The following PXDNL variants were observed in gnomAD, a reference collection of about 807,000 sequenced individuals.
The protein encoded by PXDNL is probable oxidoreductase PXDNL.
A neutral mutation model predicts 150.8 loss-of-function variants in PXDNL; 145 were observed. The observed-to-expected ratio is 0.96, with a 90% CI of 0.84 to 1.10. The LOEUF is 1.10. Ranked by LOEUF, PXDNL falls within the 50% of genes least tolerant of loss-of-function variation. The pLI is 0.00. For missense variants in PXDNL, 2,087 were observed against 1,873.9 expected (o/e 1.11, Z -2.10); for synonymous variants, 757 against 725.7 (o/e 1.04, Z -0.69).
At chr8:51,394,594 A>C (rs918176867) in intron 17 of PXDNL, among the ~76,000 whole-genome samples, 4 of 152,190 alleles carry the variant, frequency 2.6e-5, no homozygotes, top group African/African-American at 9.6e-5. Flanking sequence ...TGTTCCAACT[A>C]TTCCACTCTG....
chr8:51,577,976 AAAG>A (rs1813104413), intron 3 of PXDNL, among the ~76,000 whole-genome samples: 1 of 105,218 alleles, frequency 9.5e-6, no homozygotes, highest in Non-Finnish European at 2.0e-5. Context: ...AGAAAGAAAG[AAAG>A]AAAGAAAGAA....
intron 12 of PXDNL, chr8:51,435,543 A>G (rs1809378705): frequency 6.0e-6 from 1 of 167,492 alleles, no homozygotes; most frequent in Non-Finnish European, 1.5e-5. Context: ...ATTAAATAAA[A>G]TTTTCTTTAC....
intron 1 of PXDNL, among the ~76,000 whole-genome samples, chr8:51,736,165 A>G (rs1232895457): frequency 6.6e-6 from 1 of 152,238 alleles, no homozygotes; most frequent in African/African-American, 2.4e-5. Context: ...ATCATTCGCA[A>G]GAAACAGCTC....
intron 20 of PXDNL, among the ~76,000 whole-genome samples, chr8:51,343,942 G>A (rs997524881): frequency 6.6e-6 from 1 of 152,132 alleles, no homozygotes; most frequent in African/African-American, 2.4e-5. Flanking sequence ...ACCTTGCCTG[G>A]ATTAGCTCCA....
At chr8:51,384,591 A>C (rs1807645306) in intron 17 of PXDNL, among the ~76,000 whole-genome samples, 1 of 152,116 alleles carries the variant, frequency 6.6e-6, no homozygotes, top group Non-Finnish European at 1.5e-5. Context: ...AAAACTATAT[A>C]TAAAGCTCTA....
chr8:51,710,431 A>G (rs1816472452), intron 1 of PXDNL, among the ~76,000 whole-genome samples: 2 of 152,238 alleles, frequency 1.3e-5, no homozygotes, highest in Admixed American at 1.3e-4. Context: ...TCACATATGT[A>G]TCAATTTTTT....
At chr8:51,402,291 A>T (rs1308908905) in intron 17 of PXDNL, among the ~76,000 whole-genome samples, 1 of 152,138 alleles carries the variant, frequency 6.6e-6, no homozygotes, top group Non-Finnish European at 1.5e-5. Flanking sequence ...GTACTTTGGG[A>T]GGCTGAAGCA....
intron 17 of PXDNL, among the ~76,000 whole-genome samples, chr8:51,381,622 CTTTATTTATTTA>C (rs143944182): frequency 0.61 from 86,789 of 141,720 alleles, 28,224 homozygotes; most frequent in East Asian, 0.82. Context: ...TGACTGGTGT[CTTTATTTATTTA>C]TTTATTTATT....
At chr8:51,477,522 G>T (rs964024256) in intron 6 of PXDNL, among the ~76,000 whole-genome samples, 1 of 152,178 alleles carries the variant, frequency 6.6e-6, no homozygotes, top group Non-Finnish European at 1.5e-5. Context: ...TACCAGCTAC[G>T]TGGCTATAAA....
At chr8:51,372,628 G>T (rs932142921) in intron 18 of PXDNL, among the ~76,000 whole-genome samples, 1 of 152,136 alleles carries the variant, frequency 6.6e-6, no homozygotes, top group African/African-American at 2.4e-5. Flanking sequence ...CAAGTGATCT[G>T]CCCACCTCGG....
chr8:51,511,430 T>A (rs1811415727), intron 4 of PXDNL, among the ~76,000 whole-genome samples: 1 of 152,226 alleles, frequency 6.6e-6, no homozygotes, highest in South Asian at 2.1e-4. Context: ...TGGTTGCTGA[T>A]GGAGAAGTGA....
intron 2 of PXDNL, among the ~76,000 whole-genome samples, chr8:51,627,993 A>T (rs888844854): frequency 6.6e-6 from 1 of 152,196 alleles, no homozygotes; most frequent in South Asian, 2.1e-4. Flanking sequence ...AAGCCAAAAA[A>T]CAACTCAGGG....
At chr8:51,486,748 GT>G (rs1319506962) in intron 5 of PXDNL, among the ~76,000 whole-genome samples, 2 of 55,802 alleles carry the variant, frequency 3.6e-5, no homozygotes, top group African/African-American at 1.3e-4. Context: ...ATGTTAAAAA[GT>G]TTATATATAT....
intron 1 of PXDNL, among the ~76,000 whole-genome samples, chr8:51,698,122 T>C (rs904081200): frequency 2.0e-5 from 3 of 152,222 alleles, no homozygotes; most frequent in Non-Finnish European, 1.5e-5. Context: ...AGGGTGGTAG[T>C]TGCTGAAAGC....
At chr8:51,733,833 AATT>A (rs1357898485) in intron 1 of PXDNL, among the ~76,000 whole-genome samples, 1 of 125,368 alleles carries the variant, frequency 8.0e-6, no homozygotes, top group Admixed American at 8.1e-5. Flanking sequence ...ATATATATAT[AATT>A]TATATATATA....
chr8:51,667,816 A>C (rs959607431), intron 1 of PXDNL, among the ~76,000 whole-genome samples: 2 of 152,228 alleles, frequency 1.3e-5, no homozygotes, highest in Non-Finnish European at 2.9e-5. Flanking sequence ...CATGCTTAGA[A>C]TTAGCCTCTA....
intron 14 of PXDNL, among the ~76,000 whole-genome samples, chr8:51,416,013 AATC>A (rs1431827485): frequency 6.6e-6 from 1 of 152,230 alleles, no homozygotes; most frequent in African/African-American, 2.4e-5. Flanking sequence ...AAGAAACTAA[AATC>A]AATCAAATCA....
At chr8:51,447,268 C>T (rs1374679607) in intron 11 of PXDNL, 106 bp from the exon 12 acceptor site, 15 of 1,206,326 alleles carry the variant, frequency 1.2e-5, no homozygotes, top group Middle Eastern at 2.8e-4. Flanking sequence ...AGGAAATTCT[C>T]GGTGCTAGGG....
chr8:51,420,381 T>C (rs1195672060), intron 14 of PXDNL, among the ~76,000 whole-genome samples: 4 of 152,216 alleles, frequency 2.6e-5, no homozygotes. Flanking sequence ...TATAAACACA[T>C]ACACACTCCT....
Sources: allele counts gnomAD v4.1 joint callset (sites outside exome capture counted in the v4.1 genomes callset), GRCh38; gene constraint gnomAD v4.1.1; transcripts MANE v1.5; gene names NCBI Gene and HGNC (gene_info 2026-07-23, HGNC 2026-07-21).